The following CSMD1 variants were observed in gnomAD, a reference collection of about 807,000 sequenced individuals.
CSMD1 encodes CUB and Sushi multiple domains 1.
A neutral mutation model predicts 417.5 loss-of-function variants in CSMD1; 213 were observed. The ratio of observed to expected loss-of-function variants is 0.51; its 90% CI spans 0.46 to 0.57. The LOEUF (loss-of-function observed/expected upper bound fraction) is 0.57. Among genes scored for constraint, CSMD1 ranks in the 20% least tolerant of loss-of-function variants. CSMD1 has a pLI of 0.00. For synonymous variants in CSMD1, 2,862 were observed against 1,736.8 expected (o/e 1.65, Z -16.11); for missense variants, 6,923 against 4,529.7 (o/e 1.53, Z -15.17).
At chr8:4,875,660 A>C (rs905193068) in intron 1 of CSMD1, among the ~76,000 whole-genome samples, 3 of 152,142 alleles carry the variant, frequency 2.0e-5, no homozygotes, top group Non-Finnish European at 2.9e-5. Context: ...AATTACAACA[A>C]ATCTGAGAAA....
intron 51 of CSMD1, among the ~76,000 whole-genome samples, chr8:3,020,100 T>C (rs1002280656): frequency 4.6e-5 from 7 of 152,178 alleles, no homozygotes; most frequent in Non-Finnish European, 1.0e-4. Flanking sequence ...CAGGGTCTGG[T>C]TCTGCCAGAC....
intron 7 of CSMD1, among the ~76,000 whole-genome samples, chr8:3,642,550 T>C (rs1408665935): frequency 6.6e-6 from 1 of 152,072 alleles, no homozygotes; most frequent in African/African-American, 2.4e-5. Flanking sequence ...AAGATAAAGT[T>C]CCAAGGAACA....
At chr8:3,994,118 A>G (rs1191972069) in intron 5 of CSMD1, among the ~76,000 whole-genome samples, 1 of 152,200 alleles carries the variant, frequency 6.6e-6, no homozygotes, top group Non-Finnish European at 1.5e-5. Flanking sequence ...CAGTCATGGA[A>G]GTTAAGAATC....
intron 23 of CSMD1, among the ~76,000 whole-genome samples, chr8:3,309,033 CTT>C (rs1805115774): frequency 6.6e-6 from 1 of 152,054 alleles, no homozygotes; most frequent in Non-Finnish European, 1.5e-5. Context: ...CCCTCAAGCT[CTT>C]GTTTTCCGGA....
chr8:4,612,436 G>T (rs576756354), intron 2 of CSMD1, among the ~76,000 whole-genome samples: 67 of 152,278 alleles, frequency 4.4e-4, no homozygotes, highest in African/African-American at 1.5e-3. Flanking sequence ...AAATAATAGG[G>T]AAGATGCCAC....
At chr8:3,479,925 G>A (rs1817639504) in intron 11 of CSMD1, among the ~76,000 whole-genome samples, 1 of 152,078 alleles carries the variant, frequency 6.6e-6, no homozygotes, top group South Asian at 2.1e-4. Flanking sequence ...AGGAAATTAT[G>A]GAACTAAAAA....
rs536278251 is a variant in CSMD1 at position 3,835,676 on chromosome 8, C to T, written c.819-81634G>A. Among the ~76,000 whole-genome samples the T allele has an allele frequency of 4.7e-5, 7 of 148,190 alleles. No homozygotes were observed. The South Asian group carries it at 1.1e-3, about 23-fold the overall frequency. ...TGTATACATATGTAACAAACCTGCA[C>T]ATTGTGCACATGTACCCTGAAACTT... On this transcript the variant is annotated intron_variant, in intron 5 of 69. Coordinates refer to ENST00000635120, the MANE Select transcript of CSMD1 (RefSeq NM_033225.6).
intron 49 of CSMD1, among the ~76,000 whole-genome samples, chr8:3,081,142 A>G (rs1195310678): frequency 1.3e-5 from 2 of 152,212 alleles, no homozygotes; most frequent in African/African-American, 4.8e-5. Context: ...TAAGATTGGT[A>G]GCTGGAGGGC....
intron 21 of CSMD1, among the ~76,000 whole-genome samples, chr8:3,354,998 T>C (rs1250372553): frequency 6.8e-6 from 1 of 146,130 alleles, no homozygotes; most frequent in Non-Finnish European, 1.5e-5. Context: ...AAACTAGATA[T>C]AAATTAAATT....
intron 21 of CSMD1, among the ~76,000 whole-genome samples, chr8:3,350,259 TATAATA>T (rs1314740421): frequency 9.8e-5 from 14 of 143,524 alleles, no homozygotes; most frequent in Non-Finnish European, 1.7e-4. Flanking sequence ...TTATAATACC[TATAATA>T]ACCTATAATA....
intron 5 of CSMD1, among the ~76,000 whole-genome samples, chr8:3,995,790 G>C (rs1353416778): frequency 6.6e-6 from 1 of 152,160 alleles, no homozygotes; most frequent in Non-Finnish European, 1.5e-5. Context: ...TCTATCCCCG[G>C]CTAATCATGG....
chr8:4,590,397 G>C (rs951065515), intron 2 of CSMD1, among the ~76,000 whole-genome samples: 1 of 152,038 alleles, frequency 6.6e-6, no homozygotes, highest in African/African-American at 2.4e-5. Flanking sequence ...ATACTGAAAG[G>C]ACTTTGGGCT....
intron 3 of CSMD1, among the ~76,000 whole-genome samples, chr8:4,067,248 A>G (rs1799300476): frequency 6.6e-6 from 1 of 152,236 alleles, no homozygotes; most frequent in Non-Finnish European, 1.5e-5. Flanking sequence ...CAAGACAGAT[A>G]ATTATGAAAA....
intron 5 of CSMD1, among the ~76,000 whole-genome samples, chr8:3,782,358 C>T (rs1408271492): frequency 5.9e-5 from 9 of 152,114 alleles, no homozygotes; most frequent in African/African-American, 9.6e-5. Flanking sequence ...AAGGGAACTC[C>T]GGCAAGTCAA....
chr8:4,625,236 G>T (rs943033802), intron 2 of CSMD1, among the ~76,000 whole-genome samples: 1 of 151,988 alleles, frequency 6.6e-6, no homozygotes, highest in Non-Finnish European at 1.5e-5. Flanking sequence ...CACTGTTTAA[G>T]CACAAGTCAC....
At chr8:3,944,451 G>C (rs1037560115) in intron 5 of CSMD1, among the ~76,000 whole-genome samples, 1 of 152,070 alleles carries the variant, frequency 6.6e-6, no homozygotes, top group South Asian at 2.1e-4. Flanking sequence ...AGCCTTTCTA[G>C]TTTTGGTTTT....
chr8:3,461,122 C>A (rs1816473965), intron 12 of CSMD1, among the ~76,000 whole-genome samples: 1 of 152,192 alleles, frequency 6.6e-6, no homozygotes, highest in South Asian at 2.1e-4. Flanking sequence ...CAGATGCGGC[C>A]CTCATCGCTC....
At chr8:4,519,422 A>C (rs1803306011) in intron 2 of CSMD1, among the ~76,000 whole-genome samples, 1 of 152,098 alleles carries the variant, frequency 6.6e-6, no homozygotes, top group Non-Finnish European at 1.5e-5. Context: ...ATATGTATAA[A>C]AATTTTTAAA....
intron 5 of CSMD1, among the ~76,000 whole-genome samples, chr8:3,971,578 A>T (rs1413582190): frequency 6.6e-6 from 1 of 152,172 alleles, no homozygotes; most frequent in African/African-American, 2.4e-5. Context: ...TAATACCATA[A>T]TTTTGTAGAA....
Sources: gnomAD v4.1 joint callset for allele counts (sites outside exome capture counted in the v4.1 genomes callset) on GRCh38, gnomAD v4.1.1 for gene constraint, MANE v1.5 for transcripts, NCBI Gene and HGNC (gene_info 2026-07-23, HGNC 2026-07-21) for gene names.